TMEM38A: variants seen among roughly 807,000 people sequenced by gnomAD.
TMEM38A encodes transmembrane protein 38A, also known as trimeric intracellular cation channel type A.
In TMEM38A, 17 loss-of-function variants were observed where a neutral mutation model predicts 28.6. The ratio of observed to expected loss-of-function variants is 0.60; its 90% CI spans 0.41 to 0.89. The LOEUF (loss-of-function observed/expected upper bound fraction) is 0.89. TMEM38A is among the 40% of genes least tolerant of loss of function. The pLI, the probability that TMEM38A is intolerant of heterozygous loss-of-function variation, is 0.00. For missense variants in TMEM38A, 328 were observed against 393.1 expected, an observed-to-expected ratio of 0.83 and a Z score of 1.40; for synonymous variants, 169 against 166.1, an observed-to-expected ratio of 1.02 and a Z score of -0.14.
rs1255800884 is a variant in TMEM38A, at chr19:16,688,592, C to G, written c.*221C>G. The G allele has an allele frequency of 7.8e-6, 3 of 387,096 alleles. No individual in the cohort carries two copies. The highest frequency in any genetic ancestry group is 1.4e-5 in the Non-Finnish European group (3 of 219,332). The allele number at this position is 387,096 out of a possible 1,614,324, so 24.0% of individuals were successfully genotyped here. ...GTTCCCTCTTTCTCTCTGCCAGGAC[C>G]CCATAGAGTCACAGCTTTTGGAGGG... On this transcript the variant is annotated 3_prime_UTR_variant, in exon 6 of 6. Transcript: ENST00000187762.
In TMEM38A at chr19:16,688,504, TC is replaced by T; in HGVS notation, c.*135del. On this transcript the variant is annotated 3_prime_UTR_variant, in exon 6 of 6. Transcript: ENST00000187762. ...GCAAATCAGGGTCATTGGCTCACCC[TC>T]CAGGGCTGATGTGGGGGTTGAGATA... is the stretch of plus-strand genomic sequence containing the variant. 1 of 684,846 alleles carries T rather than the reference TC, an allele frequency of 1.5e-6. No individual in the cohort carries two copies. Among genetic ancestry groups the T allele is most frequent in the Non-Finnish European group, 2.2e-6 (1 of 460,276 alleles). 42.4% of individuals were successfully genotyped at this position (684,846 alleles called of 1,614,324 possible).
At chr19:16,671,201 C>CTTGTTTTTTT (rs2086725886) in intron 1 of TMEM38A, among the ~76,000 whole-genome samples, 1 of 84,848 alleles carries the variant, frequency 1.2e-5, no homozygotes, top group African/African-American at 6.6e-5. Flanking sequence ...AGGACCTGGG[C>CTTGTTTTTTT]TTTTTTTTTT....
At chr19:16,671,368 A>G (rs1035904451) in intron 1 of TMEM38A, among the ~76,000 whole-genome samples, 4 of 151,756 alleles carry the variant, frequency 2.6e-5, no homozygotes, top group Admixed American at 2.6e-4. Context: ...ATACCCAGCT[A>G]ATTTTTGTAT....
intron 1 of TMEM38A, among the ~76,000 whole-genome samples, chr19:16,665,920 T>C (rs2086701170): frequency 6.6e-6 from 1 of 151,774 alleles, no homozygotes. Context: ...GTGATTCTCC[T>C]GCCTTAGCCT....
chr19:16,680,372 GCACT>G (rs2086776326), intron 2 of TMEM38A, 21 bp from the exon 3 acceptor site: 1 of 1,612,324 alleles, frequency 6.2e-7, no homozygotes, highest in African/African-American at 1.3e-5. Context: ...CCATCCCCTG[GCACT>G]CACTGTTCTC....
At chr19:16,680,257 C>G in intron 2 of TMEM38A, 117 bp downstream of exon 2, 1 of 1,483,580 alleles carries the variant, frequency 6.7e-7, no homozygotes, top group Non-Finnish European at 9.3e-7. Flanking sequence ...TCATGATGGC[C>G]CTGAATATGC....
intron 1 of TMEM38A, among the ~76,000 whole-genome samples, chr19:16,670,803 G>A (rs1020917195): frequency 3.9e-5 from 6 of 152,110 alleles, no homozygotes; most frequent in African/African-American, 1.4e-4. Flanking sequence ...GCCGGGCCTG[G>A]TGGCGGGTGC....
chr19:16,680,686 G>A, intron 3 of TMEM38A, 105 bp downstream of exon 3: 2 of 1,155,202 alleles, frequency 1.7e-6, no homozygotes, highest in South Asian at 2.8e-5. Context: ...AGGCACAGGG[G>A]CATAAAGACT....
At chr19:16,682,309 T>C (rs1188843178) in intron 3 of TMEM38A, 112 bp from the exon 4 acceptor site, 2 of 815,296 alleles carry the variant, frequency 2.5e-6, no homozygotes, top group African/African-American at 3.4e-5. Flanking sequence ...CCAGGCTCAG[T>C]GTCCTTCTAG....
intron 1 of TMEM38A, among the ~76,000 whole-genome samples, chr19:16,665,944 G>C (rs1269096215): frequency 1.3e-5 from 2 of 151,858 alleles, no homozygotes; most frequent in East Asian, 3.9e-4. Flanking sequence ...AAGTACCTGG[G>C]ATTACAAGCA....
At chr19:16,676,219 G>A (rs1186236871) in intron 1 of TMEM38A, among the ~76,000 whole-genome samples, 3 of 134,890 alleles carry the variant, frequency 2.2e-5, no homozygotes, top group South Asian at 4.2e-4. Flanking sequence ...AATTGGGCGT[G>A]CTGGCGGGTG....
intron 1 of TMEM38A, among the ~76,000 whole-genome samples, chr19:16,670,674 C>T (rs994539201): frequency 2.6e-5 from 4 of 152,114 alleles, no homozygotes; most frequent in Middle Eastern, 3.2e-3. Flanking sequence ...TGCGGGGGCT[C>T]ATGCCTGTAA....
intron 4 of TMEM38A, 48 bp from the exon 5 acceptor site, chr19:16,686,240 A>T: frequency 1.4e-6 from 2 of 1,449,296 alleles, no homozygotes; most frequent in Non-Finnish European, 1.9e-6. Context: ...AGTTATGAAG[A>T]CTTGAGCCAT....
intron 1 of TMEM38A, 93 bp from the exon 2 acceptor site, chr19:16,679,891 G>GCTCTGGATT: frequency 7.3e-7 from 1 of 1,368,550 alleles, no homozygotes; most frequent in Non-Finnish European, 9.8e-7. Context: ...TTGGGTGGGC[G>GCTCTGGATT]CTCTGGATTA....
At chr19:16,680,771 G>A (rs2122594525) in intron 3 of TMEM38A, 190 bp downstream of exon 3, 2 of 595,222 alleles carry the variant, frequency 3.4e-6, no homozygotes, top group African/African-American at 1.9e-5. Flanking sequence ...TTCTAGAAAT[G>A]TTACTGTCAG....
At chr19:16,686,178 G>C in intron 4 of TMEM38A, 110 bp from the exon 5 acceptor site, 2 of 718,758 alleles carry the variant, frequency 2.8e-6, no homozygotes, top group Non-Finnish European at 2.3e-6. Flanking sequence ...GAAAAGAAAA[G>C]AGAGAAGCTG....
Position 16,661,515 on chromosome 19 carries a change from G to T in TMEM38A, c.124+174G>T, listed in dbSNP as rs540273495. Among the ~76,000 whole-genome samples the T allele has an allele frequency of 1.3e-5, 2 of 152,144 alleles. No homozygotes were observed. Among genetic ancestry groups the T allele is most frequent in the African/African-American group, 2.4e-5 (1 of 41,528 alleles). On this transcript the variant is annotated intron_variant, in intron 1 of 5. Coordinates refer to ENST00000187762, the MANE Select transcript of TMEM38A (RefSeq NM_024074.4). The surrounding 1 kb of genome is among the most constrained non-coding windows in gnomAD (Gnocchi z 6.5). ...AATCGTGGGGTTCTCTCACGCCGGG[G>T]TGAGCCCGGGGGAGAAGCCCCCAGG...
At chr19:16,662,401 A>G (rs925999994) in intron 1 of TMEM38A, among the ~76,000 whole-genome samples, 1 of 132,298 alleles carries the variant, frequency 7.6e-6, no homozygotes, top group Non-Finnish European at 1.6e-5. Context: ...TCTTCTATTC[A>G]TTTACGGCTA....
In TMEM38A at chr19:16,682,427, G is replaced by A. The variant is rs771478173; in HGVS notation, c.473G>A (p.Gly158Asp). The part of the protein sequence containing the change: ...MIATGWVKGS[G>D]VALMSNFEQL... ...GAAGCACCCTGTCCTGTAGGTTCTG[G>A]TGTCGCCCTCATGTCCAACTTTGAG... Residue 158 changes from glycine to aspartate, a missense_variant, in exon 4 of 6, where the codon GGT becomes GAT. Coordinates refer to ENST00000187762, the MANE Select transcript of TMEM38A (RefSeq NM_024074.4). 2.9e-5 allele frequency: 47 copies of A among 1,613,902 alleles called. No individual in the cohort carries two copies. Among genetic ancestry groups the A allele is most frequent in the Non-Finnish European group, 3.6e-5 (43 of 1,180,014 alleles).
Sources: gnomAD v4.1 joint callset for allele counts (sites outside exome capture counted in the v4.1 genomes callset) on GRCh38, gnomAD v4.1.1 for gene constraint, Gnocchi (gnomAD v3.1) non-coding constraint, MANE v1.5 for transcripts, NCBI Gene and HGNC (gene_info 2026-07-23, HGNC 2026-07-21) for gene names.